The following LMO7 variants were observed in gnomAD, a reference collection of about 807,000 sequenced individuals.
LMO7 encodes LIM domain only protein 7.
LMO7 carries 120 observed loss-of-function variants against 206.5 expected under a neutral mutation model. The ratio of observed to expected loss-of-function variants is 0.58; its 90% confidence interval spans 0.50 to 0.68. LMO7 has a LOEUF of 0.68. Among genes scored for constraint, LMO7 ranks in the 30% least tolerant of loss-of-function variants. LMO7 has a pLI of 0.00. For missense variants in LMO7, 1,959 were observed against 1,957.9 expected, an observed-to-expected ratio of 1.00 and a Z score of -0.01; for synonymous variants, 706 against 681.5, an observed-to-expected ratio of 1.04 and a Z score of -0.56.
intron 6 of LMO7, among the ~76,000 whole-genome samples, chr13:75,799,719 G>A (rs577342222): frequency 1.2e-3 from 184 of 152,084 alleles, no homozygotes; most frequent in African/African-American, 4.4e-3. Context: ...TAACATTTCT[G>A]GTTTTTACTA....
chr13:75,850,005 C>A (rs2060356293), intron 27 of LMO7, among the ~76,000 whole-genome samples: 1 of 152,114 alleles, frequency 6.6e-6, no homozygotes, highest in South Asian at 2.1e-4. Flanking sequence ...GTAATCCCAG[C>A]TACCCAGGAG....
chr13:75,841,512 G>A, intron 23 of LMO7, 116 bp from the exon 24 acceptor site: 1 of 730,170 alleles, frequency 1.4e-6, no homozygotes, highest in Non-Finnish European at 2.2e-6. Context: ...TGTTTTTTGA[G>A]TGGAGTCCTG....
At chr13:75,734,751 G>A (rs900296618) in intron 3 of LMO7, among the ~76,000 whole-genome samples, 7 of 152,174 alleles carry the variant, frequency 4.6e-5, no homozygotes, top group Non-Finnish European at 8.8e-5. Flanking sequence ...CTACCAAGTT[G>A]CCTCCATTCT....
chr13:75,845,597 G>A (rs1041486344), intron 26 of LMO7, among the ~76,000 whole-genome samples: 3 of 152,144 alleles, frequency 2.0e-5, no homozygotes, highest in African/African-American at 4.8e-5. Flanking sequence ...GATTAAAATG[G>A]TTTTAAATTG....
intron 1 of LMO7, among the ~76,000 whole-genome samples, chr13:75,665,214 A>G (rs1247906738): frequency 6.6e-6 from 1 of 152,144 alleles, no homozygotes; most frequent in African/African-American, 2.4e-5. Context: ...AAATATTTAA[A>G]TCTTTCAGAA....
chr13:75,706,053 G>GT lies in LMO7; in HGVS notation c.70-7126dup, dbSNP rs2042627080. ...GTCTTGGGTCAGGCAAGTGCTAAGT[G>GT]TTTCATGCATATTATCTCATTTAAT... On this transcript the variant is annotated intron_variant, in intron 1 of 30. Transcript: ENST00000377534. Among the ~76,000 whole-genome samples, 3 of 152,156 alleles carry GT rather than the reference G, an allele frequency of 2.0e-5. No individual in the cohort carries two copies. In the South Asian group the frequency reaches 6.2e-4, roughly 32 times the overall value.
At chr13:75,850,987 T>G (rs2060455008) in intron 27 of LMO7, among the ~76,000 whole-genome samples, 1 of 152,188 alleles carries the variant, frequency 6.6e-6, no homozygotes, top group Admixed American at 6.5e-5. Flanking sequence ...CCACATAGTT[T>G]TTTGGGCTAC....
At chr13:75,686,714 G>A (rs913766112) in intron 1 of LMO7, among the ~76,000 whole-genome samples, 4 of 152,080 alleles carry the variant, frequency 2.6e-5, no homozygotes, top group Non-Finnish European at 4.4e-5. Flanking sequence ...AGGAGAAGAT[G>A]TGCAAATGTG....
chr13:75,709,932 G>A (rs202044064), intron 1 of LMO7, among the ~76,000 whole-genome samples: 1 of 151,884 alleles, frequency 6.6e-6, no homozygotes, highest in African/African-American at 2.4e-5. Flanking sequence ...ATGGTTTTAG[G>A]TCTAACATTT....
At chr13:75,822,331 T>G (rs2057663021) in intron 14 of LMO7, among the ~76,000 whole-genome samples, 1 of 152,172 alleles carries the variant, frequency 6.6e-6, no homozygotes, top group African/African-American at 2.4e-5. Context: ...CTAAGCTAAT[T>G]GGGAAACTCC....
intron 1 of LMO7, among the ~76,000 whole-genome samples, chr13:75,642,783 T>C (rs2036666332): frequency 6.6e-6 from 1 of 152,152 alleles, no homozygotes; most frequent in African/African-American, 2.4e-5. Flanking sequence ...CTGGCCCAAA[T>C]TAGAAATTGT....
At chr13:75,632,861 A>ATTTTTTTTTTTTTTTTTTTTTTTTTT (rs1339104269), upstream of LMO7, among the ~76,000 whole-genome samples, 2 of 30,552 alleles carry the variant, frequency 6.5e-5, no homozygotes, top group Non-Finnish European at 1.5e-4. Flanking sequence ...ATTACTTAAA[A>ATTTTTTTTTTTTTTTTTTTTTTTTTT]GTTTTTTTTT....
At chr13:75,748,179 A>T (rs2047003957) in intron 3 of LMO7, among the ~76,000 whole-genome samples, 1 of 152,192 alleles carries the variant, frequency 6.6e-6, no homozygotes. Flanking sequence ...TCCCAAGGGC[A>T]CCTTGATTTT....
rs575394910 is a variant in LMO7, at chr13:75,857,965, A to G, written c.*22A>G. 5.0e-6 allele frequency: 8 copies of G among 1,610,180 alleles called. No homozygotes were observed. In the African/African-American group the frequency reaches 1.1e-4, roughly 22 times the overall value. On this transcript the variant is annotated 3_prime_UTR_variant, in exon 31 of 31. Coordinates refer to ENST00000377534, the MANE Select transcript of LMO7 (RefSeq NM_001306080.2). Reference sequence around the variant, plus strand: ...GTGATGTAAGCCTCCATACGAAAGCACTGTTGCAGATAGAAGAAGAGGTGG... The same window carrying G: ...GTGATGTAAGCCTCCATACGAAAGCGCTGTTGCAGATAGAAGAAGAGGTGG...
chr13:75,837,386 G>C (rs546960103), intron 19 of LMO7, among the ~76,000 whole-genome samples: 13 of 152,308 alleles, frequency 8.5e-5, no homozygotes, highest in African/African-American at 3.1e-4. Context: ...AGGTGAGATA[G>C]GTGATCAGAC....
intron 15 of LMO7, 115 bp from the exon 16 acceptor site, chr13:75,832,936 A>T: frequency 1.7e-6 from 1 of 593,868 alleles, no homozygotes; most frequent in Non-Finnish European, 3.1e-6. Context: ...CTTCTAGTTT[A>T]TCATGAAATG....
intron 2 of LMO7, among the ~76,000 whole-genome samples, chr13:75,721,310 G>A (rs935093010): frequency 2.6e-5 from 4 of 152,134 alleles, no homozygotes; most frequent in African/African-American, 9.7e-5. Context: ...TTAAAAACTG[G>A]GCAGTGGATT....
chr13:75,687,511 A>C (rs1028201700), intron 1 of LMO7, among the ~76,000 whole-genome samples: 2 of 152,160 alleles, frequency 1.3e-5, no homozygotes, highest in African/African-American at 4.8e-5. Context: ...GTTAACTCCA[A>C]TAAAATACAT....
chr13:75,779,662 C>T (rs531554033), intron 4 of LMO7, among the ~76,000 whole-genome samples: 1 of 152,230 alleles, frequency 6.6e-6, no homozygotes, highest in East Asian at 1.9e-4. Flanking sequence ...CATGTGCATG[C>T]ATTTGTGTAT....
Sources: gnomAD v4.1 joint callset for allele counts (sites outside exome capture counted in the v4.1 genomes callset) on GRCh38, gnomAD v4.1.1 for gene constraint, MANE v1.5 for transcripts, NCBI Gene and HGNC (gene_info 2026-07-23, HGNC 2026-07-21) for gene names.